GPATCH2: variants seen among roughly 807,000 people sequenced by gnomAD.
The protein encoded by GPATCH2 is G patch domain-containing protein 2.
In GPATCH2, 51 loss-of-function variants were observed where a neutral mutation model predicts 58.0. The ratio of observed to expected loss-of-function variants is 0.88; its 90% CI spans 0.70 to 1.11. The LOEUF is 1.11. Ranked by LOEUF, GPATCH2 falls within the 50% of genes most tolerant of loss-of-function variation. The pLI, the probability that GPATCH2 is intolerant of heterozygous loss-of-function variation, is 0.00. For missense variants in GPATCH2, 625 were observed against 652.2 expected, an observed-to-expected ratio of 0.96 and a Z score of 0.45; for synonymous variants, 222 against 218.5, an observed-to-expected ratio of 1.02 and a Z score of -0.14.
chr1:217,522,833 C>T (rs1663538678), intron 5 of GPATCH2, among the ~76,000 whole-genome samples: 1 of 148,764 alleles, frequency 6.7e-6, no homozygotes, highest in African/African-American at 2.5e-5. Context: ...TTGTTCAATA[C>T]ACACACACAC....
At chr1:217,521,529 T>C (rs75926358) in intron 5 of GPATCH2, among the ~76,000 whole-genome samples, 1 of 152,082 alleles carries the variant, frequency 6.6e-6, no homozygotes, top group Admixed American at 6.5e-5. Context: ...TTTAAGTATA[T>C]GCAATGCAGG....
intron 5 of GPATCH2, among the ~76,000 whole-genome samples, chr1:217,516,195 C>A (rs1269702914): frequency 6.8e-6 from 1 of 146,812 alleles, no homozygotes; most frequent in Non-Finnish European, 1.5e-5. Flanking sequence ...CATACATTTA[C>A]AGCAAAAGGC....
intron 5 of GPATCH2, among the ~76,000 whole-genome samples, chr1:217,571,775 C>T (rs1014706016): frequency 6.7e-6 from 1 of 149,740 alleles, no homozygotes; most frequent in African/African-American, 2.5e-5. Flanking sequence ...TGCCTATAGT[C>T]CCAGCTACTT....
intron 2 of GPATCH2, among the ~76,000 whole-genome samples, chr1:217,615,152 G>T (rs796645404): frequency 4.6e-5 from 7 of 151,522 alleles, no homozygotes; most frequent in African/African-American, 1.2e-4. Context: ...TTTTAATAAG[G>T]CATCCTAACT....
In GPATCH2 at chr1:217,535,874, T is replaced by A. The variant is rs962677890; in HGVS notation, c.1099-20985A>T. Among the ~76,000 whole-genome samples the A allele has an allele frequency of 4.3e-4, 65 of 152,166 alleles. 1 individual carries two copies. Among genetic ancestry groups the A allele is most frequent in the African/African-American group, 1.5e-3 (61 of 41,440 alleles). On this transcript the variant is annotated intron_variant, in intron 5 of 9. Coordinates refer to ENST00000366935, the MANE Select transcript of GPATCH2 (RefSeq NM_018040.5). ...GTTCCACCTCATCGCCGCTACTGAT[T>A]TCAGATTAGAAAAATGTTTTAAAAT...
chr1:217,463,061 T>C (rs374282924), intron 8 of GPATCH2, among the ~76,000 whole-genome samples: 109 of 152,270 alleles, frequency 7.2e-4, no homozygotes, highest in African/African-American at 2.6e-3. Flanking sequence ...TTGTATAAAA[T>C]AAACTGAATA....
At chr1:217,566,290 A>C (rs1666231372) in intron 5 of GPATCH2, among the ~76,000 whole-genome samples, 1 of 152,156 alleles carries the variant, frequency 6.6e-6, no homozygotes, top group Non-Finnish European at 1.5e-5. Flanking sequence ...ATATAAAATA[A>C]AGATATTGAA....
At chr1:217,437,826 T>G (rs1267548772) in intron 9 of GPATCH2, among the ~76,000 whole-genome samples, 4 of 152,172 alleles carry the variant, frequency 2.6e-5, no homozygotes, top group African/African-American at 9.7e-5. Flanking sequence ...ACTTAAACAT[T>G]CCTGCTGGCT....
intron 8 of GPATCH2, among the ~76,000 whole-genome samples, chr1:217,480,631 C>T (rs139456942): frequency 1.4e-4 from 21 of 152,272 alleles, no homozygotes; most frequent in African/African-American, 5.1e-4. Context: ...CCAGCAATCC[C>T]ACTGCTGGGT....
chr1:217,431,259 C>G lies in GPATCH2; in HGVS notation c.1473G>C (p.Lys491Asn). The change falls in exon 10 of 10, where the codon AAG becomes AAC. Residue 491 changes from lysine to asparagine, a missense_variant. Physicochemically the swap from Lys to Asn is moderately conservative, Grantham distance 94. Transcript: ENST00000366935. The part of the protein sequence containing the change: ...TPGSGLGRDG[K>N]GISEPIQAMQ... ...TGGCTTGAATTGGCTCAGAGATCCC[C>G]TTGCCATCTCGTCCAAGGCCTGACC... 1 of 1,605,226 alleles carries G rather than the reference C, an allele frequency of 6.2e-7. No individual in the cohort carries two copies. Among genetic ancestry groups the G allele is most frequent in the Non-Finnish European group, 8.5e-7 (1 of 1,171,886 alleles).
At chr1:217,591,574 GGTGA>G (rs1667593442) in intron 5 of GPATCH2, among the ~76,000 whole-genome samples, 1 of 151,966 alleles carries the variant, frequency 6.6e-6, no homozygotes, top group African/African-American at 2.4e-5. Context: ...TCTTTTGAAA[GGTGA>G]GTATGATAAA....
rs527817958 is a variant in GPATCH2 at position 217,437,560 on chromosome 1, G to A, written c.1367-6195C>T. ...GAATTTGGTGGGGGAAGGGGCGTCC[G>A]CCATTACTGAGGCTTGAGTAGGCAG... On this transcript the variant is annotated intron_variant, in intron 9 of 9. Coordinates refer to ENST00000366935, the MANE Select transcript of GPATCH2 (RefSeq NM_018040.5). Among the ~76,000 whole-genome samples, 6 of 152,318 alleles carry A rather than the reference G, an allele frequency of 3.9e-5. 1 individual carries two copies. In the South Asian group the frequency reaches 6.2e-4, roughly 16 times the overall value.
intron 5 of GPATCH2, among the ~76,000 whole-genome samples, chr1:217,589,173 T>A (rs577623662): frequency 6.6e-5 from 10 of 152,118 alleles, no homozygotes; most frequent in Admixed American, 2.0e-4. Flanking sequence ...CCATATGTCA[T>A]GTCAAGTCAC....
At chr1:217,537,435 T>C (rs963968491) in intron 5 of GPATCH2, among the ~76,000 whole-genome samples, 5 of 152,042 alleles carry the variant, frequency 3.3e-5, no homozygotes, top group African/African-American at 1.2e-4. Flanking sequence ...TAAGGCTTTA[T>C]AATATATAAA....
chr1:217,490,333 G>T (rs1225554897), intron 8 of GPATCH2, among the ~76,000 whole-genome samples: 1 of 152,110 alleles, frequency 6.6e-6, no homozygotes, highest in Admixed American at 6.5e-5. Context: ...TATATTATTA[G>T]GTGTGGATTT....
chr1:217,449,060 G>A (rs1227472144), intron 9 of GPATCH2, among the ~76,000 whole-genome samples, 189 bp downstream of exon 9: 4 of 152,122 alleles, frequency 2.6e-5, no homozygotes, highest in African/African-American at 7.2e-5. Context: ...TAACATATAC[G>A]TTAACCTGGA....
intron 5 of GPATCH2, among the ~76,000 whole-genome samples, chr1:217,532,913 T>C (rs1664271851): frequency 6.8e-6 from 1 of 146,324 alleles, no homozygotes; most frequent in African/African-American, 2.5e-5. Context: ...TTTTTTTTTT[T>C]TTTGAGACAG....
chr1:217,440,149 A>G (rs1156421862), intron 9 of GPATCH2, among the ~76,000 whole-genome samples: 1 of 152,222 alleles, frequency 6.6e-6, no homozygotes, highest in Non-Finnish European at 1.5e-5. Flanking sequence ...CAGCACATCA[A>G]AAAGTTTATC....
chr1:217,593,738 T>C (rs1009367152), intron 5 of GPATCH2, among the ~76,000 whole-genome samples: 1 of 151,090 alleles, frequency 6.6e-6, no homozygotes, highest in Non-Finnish European at 1.5e-5. Context: ...AATTTTTCTA[T>C]GTTTTCGGCA....
Sources: allele counts gnomAD v4.1 joint callset (sites outside exome capture counted in the v4.1 genomes callset), GRCh38; gene constraint gnomAD v4.1.1; transcripts MANE v1.5; gene names NCBI Gene and HGNC (gene_info 2026-07-23, HGNC 2026-07-21).